Variants in CTNND2 observed in about 807,000 individuals in gnomAD.
CTNND2 encodes catenin delta-2.
CTNND2 carries 22 observed loss-of-function variants against 144.4 expected under a neutral mutation model. That is an observed-to-expected ratio of 0.15 (90% CI 0.11 to 0.22). The LOEUF is 0.22. Among genes scored for constraint, CTNND2 ranks in the 10% least tolerant of loss-of-function variants. The pLI, the probability that CTNND2 is intolerant of heterozygous loss-of-function variation, is 1.00. For missense variants in CTNND2, 1,353 were observed against 1,618.8 expected (o/e 0.84, Z 2.82); for synonymous variants, 751 against 695.6 (o/e 1.08, Z -1.25).
At chr5:10,994,422 A>C (rs1319396774) in intron 18 of CTNND2, among the ~76,000 whole-genome samples, 1 of 38,410 alleles carries the variant, frequency 2.6e-5, no homozygotes. Flanking sequence ...GGGGCGGGGA[A>C]GGAGGAAAGG....
chr5:11,679,208 T>C (rs989380812), intron 2 of CTNND2, among the ~76,000 whole-genome samples: 2 of 151,796 alleles, frequency 1.3e-5, no homozygotes, highest in African/African-American at 4.8e-5. Context: ...ACCATTCCAA[T>C]AGAATCACAC....
intron 1 of CTNND2, among the ~76,000 whole-genome samples, chr5:11,882,136 T>C (rs901866771): frequency 2.0e-5 from 3 of 152,088 alleles, no homozygotes; most frequent in African/African-American, 4.8e-5. Flanking sequence ...AGATGGATAG[T>C]TTGCAAATAT....
intron 1 of CTNND2, among the ~76,000 whole-genome samples, chr5:11,863,977 A>G (rs1415008943): frequency 1.3e-5 from 2 of 152,180 alleles, no homozygotes; most frequent in Admixed American, 6.5e-5. Context: ...GCAGAACTCC[A>G]CGTTCTTTTA....
intron 1 of CTNND2, among the ~76,000 whole-genome samples, chr5:11,766,094 A>G (rs940767060): frequency 2.0e-5 from 3 of 152,202 alleles, no homozygotes; most frequent in African/African-American, 7.2e-5. Flanking sequence ...CATGTTAGAC[A>G]TGATTTTTAT....
At chr5:11,777,547 T>C (rs1790323605) in intron 1 of CTNND2, among the ~76,000 whole-genome samples, 1 of 152,160 alleles carries the variant, frequency 6.6e-6, no homozygotes, top group Non-Finnish European at 1.5e-5. Flanking sequence ...GGTTGAGTGG[T>C]GAAGCTTGCA....
intron 15 of CTNND2, among the ~76,000 whole-genome samples, chr5:11,083,341 G>A (rs554540372): frequency 6.6e-6 from 1 of 152,182 alleles, no homozygotes; most frequent in Non-Finnish European, 1.5e-5. Flanking sequence ...GAACAATAAA[G>A]AGTCAACTAG....
chr5:11,243,831 A>G (rs905306112), intron 9 of CTNND2, among the ~76,000 whole-genome samples: 1 of 152,212 alleles, frequency 6.6e-6, no homozygotes, highest in African/African-American at 2.4e-5. Flanking sequence ...CCCCATTGAA[A>G]AGAGTCCCAG....
intron 2 of CTNND2, among the ~76,000 whole-genome samples, chr5:11,578,210 C>T (rs569170168): frequency 1.5e-4 from 23 of 152,272 alleles, no homozygotes; most frequent in African/African-American, 5.3e-4. Context: ...ATAGGGCTGA[C>T]ATCAGGTAAG....
chr5:11,757,684 T>C (rs1413441214), intron 1 of CTNND2, among the ~76,000 whole-genome samples: 2 of 152,034 alleles, frequency 1.3e-5, no homozygotes, highest in Admixed American at 6.6e-5. Context: ...TTGTTTTCTT[T>C]TGTGTAAAAT....
chr5:11,001,666 G>A (rs1200665015), intron 18 of CTNND2, among the ~76,000 whole-genome samples: 1 of 152,182 alleles, frequency 6.6e-6, no homozygotes, highest in Non-Finnish European at 1.5e-5. Flanking sequence ...GTAGCTCAGA[G>A]TAACCTCATC....
intron 15 of CTNND2, among the ~76,000 whole-genome samples, chr5:11,085,829 G>A (rs1261910975): frequency 6.6e-6 from 1 of 152,174 alleles, no homozygotes; most frequent in Non-Finnish European, 1.5e-5. Flanking sequence ...CCATGGATAA[G>A]GGGGACTGAG....
At chr5:11,020,923 A>C (rs1482471064) in intron 17 of CTNND2, among the ~76,000 whole-genome samples, 1 of 152,150 alleles carries the variant, frequency 6.6e-6, no homozygotes, top group African/African-American at 2.4e-5. Context: ...TCTATAAGTA[A>C]ATTTTCAGCC....
intron 1 of CTNND2, among the ~76,000 whole-genome samples, chr5:11,901,350 TTCA>T (rs1351745033): frequency 6.6e-6 from 1 of 152,218 alleles, no homozygotes; most frequent in Non-Finnish European, 1.5e-5. Flanking sequence ...AGATTATAAC[TTCA>T]TTTTTAATTT....
intron 2 of CTNND2, among the ~76,000 whole-genome samples, chr5:11,648,841 T>A (rs533666032): frequency 2.6e-5 from 4 of 152,182 alleles, no homozygotes; most frequent in African/African-American, 9.6e-5. Flanking sequence ...ATGGTACTGA[T>A]AGAGAGAAGA....
At chr5:11,286,073 C>A (rs1305447082) in intron 9 of CTNND2, among the ~76,000 whole-genome samples, 1 of 151,720 alleles carries the variant, frequency 6.6e-6, no homozygotes, top group Admixed American at 6.6e-5. Flanking sequence ...CAGATCCCTA[C>A]CTCACACTAC....
chr5:11,325,132 T>C (rs1752407454), intron 9 of CTNND2, among the ~76,000 whole-genome samples: 1 of 152,166 alleles, frequency 6.6e-6, no homozygotes, highest in Non-Finnish European at 1.5e-5. Context: ...AGTTTTATTT[T>C]CCTTTGCAGG....
At chr5:11,268,151 G>A (rs1308529596) in intron 9 of CTNND2, among the ~76,000 whole-genome samples, 1 of 152,188 alleles carries the variant, frequency 6.6e-6, no homozygotes, top group Non-Finnish European at 1.5e-5. Context: ...GGTGCCATGA[G>A]GCACGGAACA....
chr5:11,691,667 G>C (rs1002134661), intron 2 of CTNND2, among the ~76,000 whole-genome samples: 1 of 152,160 alleles, frequency 6.6e-6, no homozygotes, highest in African/African-American at 2.4e-5. Flanking sequence ...TACTTTGGGA[G>C]GCTGAGGTGG....
At chr5:11,423,594 CT>C (rs1261905051) in intron 3 of CTNND2, among the ~76,000 whole-genome samples, 1 of 152,160 alleles carries the variant, frequency 6.6e-6, no homozygotes. Flanking sequence ...GTTTTCCTGG[CT>C]TCCTGTGATT....
Sources: gnomAD v4.1 joint callset for allele counts (sites outside exome capture counted in the v4.1 genomes callset) on GRCh38, gnomAD v4.1.1 for gene constraint, MANE v1.5 for transcripts, NCBI Gene and HGNC (gene_info 2026-07-23, HGNC 2026-07-21) for gene names.